XKR9: variants seen among roughly 807,000 people sequenced by gnomAD.
XKR9 encodes the protein XK-related protein 9.
A neutral mutation model predicts 32.0 loss-of-function variants in XKR9; 32 were observed. The ratio of observed to expected loss-of-function variants is 1.00; its 90% CI spans 0.76 to 1.34. The LOEUF is 1.34. Ranked by LOEUF, XKR9 falls within the 40% of genes most tolerant of loss-of-function variation. XKR9 has a pLI of 0.00. For missense variants in XKR9, 546 were observed against 429.7 expected (o/e 1.27, Z -2.39); for synonymous variants, 168 against 143.4 (o/e 1.17, Z -1.22).
chr8:70,892,726 A>G, the XKR9 span, among the ~76,000 whole-genome samples: 5 of 152,136 alleles, frequency 3.3e-5, no homozygotes, highest in Non-Finnish European at 5.9e-5. Flanking sequence ...GGATTCTCTT[A>G]CATGTGACTT....
At chr8:70,738,931 A>G (rs1318596813), downstream of XKR9, among the ~76,000 whole-genome samples, 1 of 152,220 alleles carries the variant, frequency 6.6e-6, no homozygotes, top group Admixed American at 6.5e-5. Flanking sequence ...TGGTACTGAA[A>G]GAAATGTATA....
At chr8:70,822,750 T>C in the XKR9 span, among the ~76,000 whole-genome samples, 2 of 151,934 alleles carry the variant, frequency 1.3e-5, no homozygotes, top group African/African-American at 4.8e-5. Flanking sequence ...AACCCCAGTT[T>C]TTTAAGACTT....
chr8:70,989,543 T>TGTGACTCTCAGCTATAGCTGACCC, the XKR9 span, among the ~76,000 whole-genome samples: 5 of 152,344 alleles, frequency 3.3e-5, no homozygotes, highest in Admixed American at 3.3e-4. Flanking sequence ...ATAGCTGAGC[T>TGTGACTCTCAGCTATAGCTGACCC]GTGACTCTCA....
At chr8:70,928,903 G>C in the XKR9 span, among the ~76,000 whole-genome samples, 5 of 152,186 alleles carry the variant, frequency 3.3e-5, no homozygotes, top group Non-Finnish European at 5.9e-5. Context: ...GAAACAATCA[G>C]ATTCTGCACA....
At chr8:70,673,833 C>T (rs1818796687) in intron 1 of XKR9, among the ~76,000 whole-genome samples, 1 of 151,840 alleles carries the variant, frequency 6.6e-6, no homozygotes, top group Non-Finnish European at 1.5e-5. Flanking sequence ...AGTTTAAGTT[C>T]CTCTCCAAGA....
chr8:70,967,065 C>CTTTT, the XKR9 span, among the ~76,000 whole-genome samples: 38 of 101,278 alleles, frequency 3.8e-4, 2 homozygotes, highest in African/African-American at 1.4e-3. Flanking sequence ...GATCTTGACT[C>CTTTT]TTTTTTTTTT....
At chr8:70,843,123 C>T in the XKR9 span, among the ~76,000 whole-genome samples, 6 of 152,038 alleles carry the variant, frequency 3.9e-5, no homozygotes, top group South Asian at 1.2e-3. Flanking sequence ...ATTTCTTCTC[C>T]AAAAGACAAA....
At chr8:70,964,561 T>C in the XKR9 span, among the ~76,000 whole-genome samples, 3 of 152,200 alleles carry the variant, frequency 2.0e-5, no homozygotes, top group African/African-American at 7.2e-5. Context: ...TTTGGGATTA[T>C]GGCCATTTTA....
At chr8:71,003,933 TG>T in the XKR9 span, among the ~76,000 whole-genome samples, 1 of 152,154 alleles carries the variant, frequency 6.6e-6, no homozygotes, top group Non-Finnish European at 1.5e-5. Flanking sequence ...GCATGAGCTT[TG>T]TGTGGAGGAT....
At chr8:70,685,476 C>T (rs369466943) in intron 3 of XKR9, among the ~76,000 whole-genome samples, 20 of 123,792 alleles carry the variant, frequency 1.6e-4, no homozygotes, top group East Asian at 7.2e-4. Flanking sequence ...ACACATGTAC[C>T]GTAAAACTTA....
At chr8:70,736,103 C>G (rs1165184781), downstream of XKR9, among the ~76,000 whole-genome samples, 1 of 152,158 alleles carries the variant, frequency 6.6e-6, no homozygotes, top group Admixed American at 6.5e-5. Flanking sequence ...GTTCCTATTT[C>G]TCCACATCCT....
the XKR9 span, among the ~76,000 whole-genome samples, chr8:71,013,737 G>A: frequency 2.6e-5 from 4 of 152,138 alleles, no homozygotes; most frequent in African/African-American, 9.7e-5. Context: ...CTGCTTCGGG[G>A]GGTTCAGAGC....
At chr8:70,756,216 G>A (rs528486507) in intron 2 of XKR9, among the ~76,000 whole-genome samples, 134 of 152,184 alleles carry the variant, frequency 8.8e-4, no homozygotes, top group Middle Eastern at 3.4e-3. Context: ...AATTCTGTTC[G>A]ACTACTCTAT....
At chr8:71,021,700 A>G in the XKR9 span, among the ~76,000 whole-genome samples, 1 of 151,548 alleles carries the variant, frequency 6.6e-6, no homozygotes, top group African/African-American at 2.4e-5. Context: ...ACGGGGTTTC[A>G]CCGTGTCAGC....
At chr8:70,906,626 T>C in the XKR9 span, among the ~76,000 whole-genome samples, 11 of 152,236 alleles carry the variant, frequency 7.2e-5, no homozygotes, top group Non-Finnish European at 1.5e-5. Context: ...TAAACACTTA[T>C]CTACATAAAT....
chr8:70,769,822 C>A (rs905690157), intron 2 of XKR9, among the ~76,000 whole-genome samples: 2 of 151,974 alleles, frequency 1.3e-5, no homozygotes, highest in Non-Finnish European at 2.9e-5. Flanking sequence ...ACTGATTATT[C>A]TAGTTAGCAT....
chr8:70,925,725 A>T, the XKR9 span, among the ~76,000 whole-genome samples: 1 of 152,216 alleles, frequency 6.6e-6, no homozygotes, highest in African/African-American at 2.4e-5. Flanking sequence ...TGGTAAGCTA[A>T]GAGAAAGGAG....
the XKR9 span, among the ~76,000 whole-genome samples, chr8:70,890,918 G>C: frequency 1.3e-5 from 2 of 151,826 alleles, no homozygotes; most frequent in Admixed American, 6.6e-5. Context: ...AGATCAATTA[G>C]TTATTTGGCT....
chr8:70,820,802 G>A, the XKR9 span, among the ~76,000 whole-genome samples: 1 of 152,138 alleles, frequency 6.6e-6, no homozygotes, highest in South Asian at 2.1e-4. Flanking sequence ...GAGCATGGGG[G>A]AAACCAATTA....
Sources: gnomAD v4.1 joint callset for allele counts (sites outside exome capture counted in the v4.1 genomes callset) on GRCh38, gnomAD v4.1.1 for gene constraint, MANE v1.5 for transcripts, NCBI Gene and HGNC (gene_info 2026-07-23, HGNC 2026-07-21) for gene names.